The following USP39 variants were observed in gnomAD, a reference collection of about 807,000 sequenced individuals.
The protein encoded by USP39 is ubiquitin carboxyl-terminal hydrolase 39.
A neutral mutation model predicts 66.4 loss-of-function variants in USP39; 38 were observed. The observed-to-expected ratio is 0.57, with a 90% CI of 0.44 to 0.75. USP39 has a LOEUF of 0.75. Ranked by LOEUF, USP39 falls within the 30% of genes least tolerant of loss-of-function variation. The probability of loss-of-function intolerance (pLI) is 0.00; values close to 1 mark genes in which losing one functional copy is unlikely to be tolerated. For synonymous variants in USP39, 303 were observed against 274.6 expected, an observed-to-expected ratio of 1.10 and a Z score of -1.02; for missense variants, 608 against 714.4, an observed-to-expected ratio of 0.85 and a Z score of 1.70.
rs369524663 is a variant in USP39 at position 85,641,128 on chromosome 2, A to G, written c.1427+10A>G. On this transcript the variant is annotated intron_variant, in intron 10 of 12. Coordinates refer to ENST00000323701, the MANE Select transcript of USP39 (RefSeq NM_006590.4). ...TCAATTTCCCTATTACGTAAGTAAC[A>G]TCCTGCCTCACTTCTCTCACGGGGA... 25 of 1,611,566 alleles carry G rather than the reference A, an allele frequency of 1.6e-5. No homozygotes were observed. The African/African-American group carries it at 3.1e-4, about 20-fold the overall frequency.
intron 1 of USP39, among the ~76,000 whole-genome samples, chr2:85,603,418 T>G (rs1243999089): frequency 1.3e-5 from 2 of 150,904 alleles, no homozygotes; most frequent in African/African-American, 4.9e-5. Context: ...CAGTGTAGAG[T>G]AGGTAAGGAT....
upstream of USP39, chr2:85,609,404 T>G: frequency 6.2e-7 from 1 of 1,610,294 alleles, no homozygotes; most frequent in South Asian, 1.1e-5. Flanking sequence ...GCCCAGGACC[T>G]TCAGGCTGCA....
chr2:85,622,113 C>A (rs1411415410), intron 3 of USP39, among the ~76,000 whole-genome samples: 2 of 151,642 alleles, frequency 1.3e-5, no homozygotes, highest in Non-Finnish European at 2.9e-5. Flanking sequence ...AGCCACCGCG[C>A]CCGGCCTAAT....
upstream of USP39, chr2:85,616,081 A>C: frequency 2.3e-6 from 3 of 1,313,358 alleles, no homozygotes; most frequent in African/African-American, 3.1e-5. Flanking sequence ...ATTTGTCCCC[A>C]GTGGCGACTC....
chr2:85,633,884 C>A (rs62166777), intron 6 of USP39, among the ~76,000 whole-genome samples: 5 of 119,952 alleles, frequency 4.2e-5, no homozygotes, highest in Non-Finnish European at 6.4e-5. Context: ...GTTGCCCAGG[C>A]TGGAGTGCAG....
chr2:85,617,578 G>C (rs1014435856), intron 1 of USP39, among the ~76,000 whole-genome samples: 2 of 152,174 alleles, frequency 1.3e-5, no homozygotes, highest in Non-Finnish European at 2.9e-5. Flanking sequence ...GCTCACACCT[G>C]TAATCGCAGC....
intron 6 of USP39, 82 bp from the exon 7 acceptor site, chr2:85,635,971 C>T: frequency 7.4e-7 from 1 of 1,352,608 alleles, no homozygotes; most frequent in Non-Finnish European, 1.1e-6. Flanking sequence ...GGGGGAGAAC[C>T]AGGAATGCCA....
At chr2:85,646,731 G>C (rs1676671624) in intron 11 of USP39, among the ~76,000 whole-genome samples, 1 of 152,170 alleles carries the variant, frequency 6.6e-6, no homozygotes, top group Admixed American at 6.6e-5. Context: ...AGGTGCCTCT[G>C]CCTTAATCTA....
At chr2:85,637,241 G>A (rs1675844280) in intron 7 of USP39, 128 bp from the exon 8 acceptor site, 3 of 913,908 alleles carry the variant, frequency 3.3e-6, no homozygotes, top group Non-Finnish European at 5.2e-6. Flanking sequence ...AAACTTCTGT[G>A]TTTAGTGAGA....
At chr2:85,603,886 C>T (rs1205677813) in intron 1 of USP39, among the ~76,000 whole-genome samples, 2 of 152,220 alleles carry the variant, frequency 1.3e-5, no homozygotes, top group African/African-American at 2.4e-5. Context: ...GGCCACTGCG[C>T]CTGGCCCGGA....
At chr2:85,631,895 C>T (rs1675371871) in intron 6 of USP39, among the ~76,000 whole-genome samples, 1 of 152,004 alleles carries the variant, frequency 6.6e-6, no homozygotes, top group African/African-American at 2.4e-5. Context: ...ATTACAGGTG[C>T]CCGCCAACAT....
chr2:85,611,988 G>C, upstream of USP39: 1 of 1,527,302 alleles, frequency 6.5e-7, no homozygotes, highest in Non-Finnish European at 8.7e-7. Context: ...CCTCCATCAG[G>C]AGCCGGGGAC....
At chr2:85,618,833 G>A (rs1476767396) in intron 1 of USP39, among the ~76,000 whole-genome samples, 2 of 151,648 alleles carry the variant, frequency 1.3e-5, no homozygotes, top group Non-Finnish European at 1.5e-5. Flanking sequence ...GCAGCGGTAC[G>A]ATCTCTGCTC....
In USP39 at chr2:85,619,309, T is replaced by G. The variant is rs1460057939; in HGVS notation, c.338+20T>G. On this transcript the variant is annotated intron_variant, in intron 2 of 12. Transcript: ENST00000323701. ...TAACAGGTCAGTAGGACAGAGATGC[T>G]GAGTATAGCACAAGAACAATGGAAT... The G allele has an allele frequency of 6.2e-7, 1 of 1,610,578 alleles. No individual in the cohort carries two copies. The highest frequency in any genetic ancestry group is 1.1e-5 in the South Asian group (1 of 90,314).
chr2:85,643,048 A>G (rs1334965445), intron 10 of USP39, among the ~76,000 whole-genome samples: 3 of 151,640 alleles, frequency 2.0e-5, no homozygotes, highest in African/African-American at 7.3e-5. Context: ...ACCTGCCTGG[A>G]CAACATAGCA....
At chr2:85,621,453 C>T (rs912416029) in intron 2 of USP39, 32 bp from the exon 3 acceptor site, 18 of 1,597,956 alleles carry the variant, frequency 1.1e-5, no homozygotes, top group Non-Finnish European at 1.5e-5. Context: ...ACATGTCCAT[C>T]CTATTTATTT....
At chr2:85,637,301 G>A in intron 7 of USP39, 68 bp from the exon 8 acceptor site, 1 of 1,555,224 alleles carries the variant, frequency 6.4e-7, no homozygotes. Flanking sequence ...AAATTTAGAA[G>A]CTGGAAATAT....
intron 11 of USP39, among the ~76,000 whole-genome samples, chr2:85,647,169 G>C (rs990953254): frequency 2.0e-5 from 3 of 152,066 alleles, no homozygotes. Context: ...GATTACAGGC[G>C]TAAGCCCCTG....
At chr2:85,621,974 C>T (rs545562789) in intron 3 of USP39, among the ~76,000 whole-genome samples, 119 of 152,226 alleles carry the variant, frequency 7.8e-4, no homozygotes, top group African/African-American at 2.6e-3. Flanking sequence ...CGCCTGCCAC[C>T]ATGCCTGGCT....
Sources: allele counts gnomAD v4.1 joint callset (sites outside exome capture counted in the v4.1 genomes callset), GRCh38; gene constraint gnomAD v4.1.1; transcripts MANE v1.5; gene names NCBI Gene and HGNC (gene_info 2026-07-23, HGNC 2026-07-21).